The following INKA2 variants were observed in gnomAD, a reference collection of about 807,000 sequenced individuals.
The protein encoded by INKA2 is inka box actin regulator 2.
A neutral mutation model predicts 9.8 loss-of-function variants in INKA2; 3 were observed. The ratio of observed to expected loss-of-function variants is 0.31; its 90% CI spans 0.14 to 0.79. The LOEUF is 0.79. INKA2 is among the 30% of genes least tolerant of loss of function. INKA2 has a pLI of 0.62. For missense variants in INKA2, 392 were observed against 384.4 expected (o/e 1.02, Z -0.17); for synonymous variants, 147 against 143.3 (o/e 1.03, Z -0.18).
At chr1:111,734,141 C>T (rs979447688) in intron 1 of INKA2, among the ~76,000 whole-genome samples, 2 of 152,176 alleles carry the variant, frequency 1.3e-5, no homozygotes, top group African/African-American at 4.8e-5. Context: ...GTGCCAAGAG[C>T]TGTAGGAGGG....
upstream of INKA2, among the ~76,000 whole-genome samples, chr1:111,743,508 C>A (rs1663190309): frequency 6.6e-6 from 1 of 152,168 alleles, no homozygotes; most frequent in Non-Finnish European, 1.5e-5. Flanking sequence ...TCAATGAGCT[C>A]AAATGAAGAG....
chr1:111,723,082 A>G lies in INKA2; in HGVS notation c.*3886T>C. 1.4e-6 allele frequency: 1 copy of G among 701,854 alleles called. No homozygotes were observed. Among genetic ancestry groups the G allele is most frequent in the South Asian group, 1.5e-5 (1 of 67,568 alleles). 43.5% of individuals were successfully genotyped at this position (701,854 alleles called of 1,614,324 possible). A position where few individuals can be genotyped will look rare whatever the true frequency, so the allele number is the denominator to read the frequency against. On this transcript the variant is annotated 3_prime_UTR_variant, in exon 2 of 2. Coordinates refer to ENST00000357260, the MANE Select transcript of INKA2 (RefSeq NM_019099.5). ...TAACTCCAAGTCTAGTGCTCATACCATGGTGCTGGCAGAAGTGCCTTAACT... is the reference window on the plus strand; with the variant it reads ...TAACTCCAAGTCTAGTGCTCATACCGTGGTGCTGGCAGAAGTGCCTTAACT...
intron 1 of INKA2, among the ~76,000 whole-genome samples, chr1:111,750,444 T>C (rs550306556): frequency 3.2e-4 from 49 of 152,348 alleles, no homozygotes; most frequent in African/African-American, 1.1e-3. Context: ...ATAAACTTGA[T>C]ACAACATAAG....
intron 1 of INKA2, among the ~76,000 whole-genome samples, chr1:111,728,031 C>CT (rs398103183): frequency 2.3e-5 from 2 of 88,524 alleles, no homozygotes; most frequent in Non-Finnish European, 4.1e-5. Context: ...AAGGCTCCCC[C>CT]ACCCCATACA....
chr1:111,745,231 T>TATATACACAC (rs1356034280), intron 1 of INKA2: 1 of 112,722 alleles, frequency 8.9e-6, no homozygotes, highest in African/African-American at 3.7e-5. Flanking sequence ...CAAGCAAATA[T>TATATACACAC]ACACACACAC....
intron 1 of INKA2, among the ~76,000 whole-genome samples, chr1:111,734,825 A>G (rs963517621): frequency 6.6e-6 from 1 of 152,002 alleles, no homozygotes; most frequent in Non-Finnish European, 1.5e-5. Context: ...GCTTTCTCCA[A>G]TCTCCCAGCT....
At chr1:111,752,716 C>T (rs563906075) in intron 1 of INKA2, among the ~76,000 whole-genome samples, 17 of 151,052 alleles carry the variant, frequency 1.1e-4, no homozygotes, top group Non-Finnish European at 1.5e-4. Context: ...TCTTTTGAGA[C>T]GGAGTCTCGC....
intron 1 of INKA2, chr1:111,746,612 T>C (rs1663279524): frequency 6.6e-6 from 1 of 152,252 alleles, no homozygotes; most frequent in African/African-American, 2.4e-5. Context: ...TCAGGGCATG[T>C]GGCCTCACAG....
upstream of INKA2, among the ~76,000 whole-genome samples, chr1:111,742,508 C>T (rs1246344335): frequency 1.3e-5 from 2 of 152,168 alleles, no homozygotes; most frequent in African/African-American, 2.4e-5. Context: ...TCGCCTGAAC[C>T]GGGAGGCGGA....
At chr1:111,730,775 G>A (rs537340105) in intron 1 of INKA2, among the ~76,000 whole-genome samples, 3 of 151,086 alleles carry the variant, frequency 2.0e-5, no homozygotes, top group Non-Finnish European at 4.4e-5. Flanking sequence ...TCTACTCCTT[G>A]AGGACAGGGG....
At chr1:111,747,192 G>A (rs566583032) in intron 1 of INKA2, 1 of 152,334 alleles carries the variant, frequency 6.6e-6, no homozygotes, top group African/African-American at 2.4e-5. Flanking sequence ...CCTTGCCTTA[G>A]AGGAGACCTG....
At chr1:111,753,145 C>T (rs375246665) in intron 1 of INKA2, 5 of 152,304 alleles carry the variant, frequency 3.3e-5, no homozygotes, top group African/African-American at 1.2e-4. Context: ...CCTGGAAAGG[C>T]TCTCCAGGTA....
At chr1:111,729,367 G>A (rs1302890361) in intron 1 of INKA2, among the ~76,000 whole-genome samples, 1 of 152,166 alleles carries the variant, frequency 6.6e-6, no homozygotes, top group Non-Finnish European at 1.5e-5. Context: ...AGCCCAGTTG[G>A]CTCTGCCGCC....
rs573842935 is a variant in INKA2, at chr1:111,746,164, T to A, written n.124+9537A>T. 3 of 152,352 alleles carry A rather than the reference T, an allele frequency of 2.0e-5. No individual in the cohort carries two copies. The East Asian group carries it at 5.8e-4, about 29-fold the overall frequency. 9.4% of individuals were successfully genotyped at this position (152,352 alleles called of 1,614,324 possible). On this transcript the variant is annotated intron_variant and non_coding_transcript_variant, in intron 1 of 1. Coordinates refer to the INKA2 transcript ENST00000444059. ...AGCCAGTGCCACTGGTGACAGCTGC[T>A]TCTGTGCGGGCTTTTGCTTGGCCAG... is the stretch of plus-strand genomic sequence containing the variant.
intron 1 of INKA2, chr1:111,745,293 A>ATATATATATATATATTT (rs1358304932): frequency 1.2e-4 from 6 of 49,252 alleles, no homozygotes; most frequent in African/African-American, 1.4e-4. Context: ...ATATATATAT[A>ATATATATATATATATTT]TTTTTTTTTT....
At chr1:111,732,300 G>A (rs575375781) in intron 1 of INKA2, among the ~76,000 whole-genome samples, 1 of 152,294 alleles carries the variant, frequency 6.6e-6, no homozygotes, top group African/African-American at 2.4e-5. Context: ...GGAAGAAAAG[G>A]GGGCAGTAAG....
chr1:111,742,968 AG>A (rs1255923034), upstream of INKA2, among the ~76,000 whole-genome samples: 1 of 152,230 alleles, frequency 6.6e-6, no homozygotes, highest in Non-Finnish European at 1.5e-5. Flanking sequence ...GTTGCTGAAG[AG>A]GTAACTCTCA....
chr1:111,740,203 G>A (rs956505971), upstream of INKA2: 1 of 152,324 alleles, frequency 6.6e-6, no homozygotes, highest in African/African-American at 2.4e-5. Context: ...CAGGGAACAA[G>A]CCTTTCTCTC....
chr1:111,727,665 C>A lies in INKA2; in HGVS notation c.197G>T (p.Ser66Ile), dbSNP rs1439859118. The A allele has an allele frequency of 1.2e-6, 2 of 1,610,540 alleles. No individual in the cohort carries two copies. The highest frequency in any genetic ancestry group is 8.5e-7 in the Non-Finnish European group (1 of 1,178,110). ...EISGGGPVPG[S>I]PEGPRTQCEH... The stretch of plus-strand genomic sequence containing the variant: ...GCACTGGGTCCTGGGACCTTCAGGG[C>A]TGCCTGGCACAGGACCCCCTCCAGA... Residue 66 changes from serine to isoleucine, a missense_variant, in exon 2 of 2, where the codon AGC becomes ATC. Physicochemically the swap from Ser to Ile is moderately radical, Grantham distance 142. Coordinates refer to ENST00000357260, the MANE Select transcript of INKA2 (RefSeq NM_019099.5).
Sources: allele counts gnomAD v4.1 joint callset (sites outside exome capture counted in the v4.1 genomes callset), GRCh38; gene constraint gnomAD v4.1.1; transcripts MANE v1.5; gene names NCBI Gene and HGNC (gene_info 2026-07-23, HGNC 2026-07-21).